The following HYCC1 variants were observed in gnomAD, a reference collection of about 807,000 sequenced individuals.
HYCC1 encodes hyccin.
the HYCC1 span, chr7:22,976,414 C>A: frequency 1.3e-6 from 1 of 797,534 alleles, no homozygotes; most frequent in Non-Finnish European, 2.1e-6. Flanking sequence ...CAGAACAGAC[C>A]TGCACAGTAT....
the HYCC1 span, among the ~76,000 whole-genome samples, chr7:22,974,498 C>T: frequency 6.6e-6 from 1 of 152,054 alleles, no homozygotes; most frequent in East Asian, 1.9e-4. Context: ...AGAGATGAAC[C>T]ACTGGTACCA....
the HYCC1 span, chr7:22,976,128 C>G: frequency 3.3e-6 from 3 of 905,036 alleles, no homozygotes; most frequent in East Asian, 7.2e-5. Context: ...TTACACAAAA[C>G]AAAAATAACT....
At chr7:22,977,300 G>T in the HYCC1 span, 1 of 1,236,460 alleles carries the variant, frequency 8.1e-7, no homozygotes, top group Non-Finnish European at 1.2e-6. Context: ...CAATATCAAA[G>T]CTTAGGGTCA....
chr7:22,946,155 C>T, the HYCC1 span: 7 of 1,611,454 alleles, frequency 4.3e-6, no homozygotes, highest in Non-Finnish European at 5.1e-6. Context: ...CCTGTTAATT[C>T]TGTATTTCCT....
chr7:22,973,750 T>C, the HYCC1 span, among the ~76,000 whole-genome samples: 1 of 152,204 alleles, frequency 6.6e-6, no homozygotes, highest in Non-Finnish European at 1.5e-5. Flanking sequence ...GCATTCTCTG[T>C]TGAAGAATTA....
At chr7:22,943,486 C>T in the HYCC1 span, 3 of 152,050 alleles carry the variant, frequency 2.0e-5, no homozygotes, top group African/African-American at 7.2e-5. Flanking sequence ...GTCCTCAGAC[C>T]ACACAGCTAG....
the HYCC1 span, among the ~76,000 whole-genome samples, chr7:22,949,888 C>T: frequency 6.6e-6 from 1 of 152,040 alleles, no homozygotes; most frequent in Non-Finnish European, 1.5e-5. Flanking sequence ...CTTGTTATCA[C>T]TCAAAAATGG....
the HYCC1 span, among the ~76,000 whole-genome samples, chr7:22,926,398 A>G: frequency 6.6e-6 from 1 of 152,214 alleles, no homozygotes; most frequent in African/African-American, 2.4e-5. Flanking sequence ...AAATTGGATA[A>G]AGAGTCAAGA....
At chr7:22,905,790 T>G in the HYCC1 span, among the ~76,000 whole-genome samples, 1 of 152,206 alleles carries the variant, frequency 6.6e-6, no homozygotes, top group Non-Finnish European at 1.5e-5. Flanking sequence ...TGAAATATAT[T>G]AAGTTACGGA....
chr7:22,971,583 C>G, the HYCC1 span, among the ~76,000 whole-genome samples: 3 of 145,472 alleles, frequency 2.1e-5, no homozygotes, highest in Non-Finnish European at 4.5e-5. Flanking sequence ...CGCTGAGGCA[C>G]AAGAATTGCT....
At chr7:23,009,531 A>T in the HYCC1 span, among the ~76,000 whole-genome samples, 4 of 152,160 alleles carry the variant, frequency 2.6e-5, no homozygotes, top group Non-Finnish European at 4.4e-5. Flanking sequence ...ATATTTGGAT[A>T]AGCTATTCTG....
chr7:22,907,387 A>G, the HYCC1 span, among the ~76,000 whole-genome samples: 1 of 152,192 alleles, frequency 6.6e-6, no homozygotes, highest in Non-Finnish European at 1.5e-5. Context: ...TAGCCTGTCC[A>G]GGCAACCTCA....
the HYCC1 span, among the ~76,000 whole-genome samples, chr7:22,898,223 A>AT: frequency 2.6e-3 from 385 of 148,934 alleles, 4 homozygotes; most frequent in African/African-American, 9.1e-3. Context: ...TTATTTATTT[A>AT]TTTTTTTTGA....
the HYCC1 span, among the ~76,000 whole-genome samples, chr7:22,986,533 T>C: frequency 6.6e-6 from 1 of 152,220 alleles, no homozygotes; most frequent in Non-Finnish European, 1.5e-5. Flanking sequence ...TAATGGAAAA[T>C]TATGTTGGTA....
At chr7:22,969,507 T>C in the HYCC1 span, among the ~76,000 whole-genome samples, 52 of 135,478 alleles carry the variant, frequency 3.8e-4, 1 homozygote, top group South Asian at 0.012. Context: ...GGTACAAAAA[T>C]TTGGGTGTTT....
chr7:22,897,427 T>C, the HYCC1 span, among the ~76,000 whole-genome samples: 2 of 152,164 alleles, frequency 1.3e-5, no homozygotes, highest in Non-Finnish European at 2.9e-5. Flanking sequence ...AAGTATTGCT[T>C]ACTCCATGGA....
the HYCC1 span, chr7:22,946,219 T>A: frequency 1.4e-6 from 2 of 1,396,294 alleles, no homozygotes; most frequent in South Asian, 1.2e-5. Context: ...GCAATCTTTT[T>A]AAATGATTAA....
At chr7:22,964,351 G>T in the HYCC1 span, 2 of 922,694 alleles carry the variant, frequency 2.2e-6, no homozygotes, top group Non-Finnish European at 3.6e-6. Flanking sequence ...AGTGACAATA[G>T]ATGAACAGAC....
chr7:22,980,165 T>C, the HYCC1 span, among the ~76,000 whole-genome samples: 1 of 152,054 alleles, frequency 6.6e-6, no homozygotes. Context: ...TGATATACAG[T>C]GTGGGAAATA....
Sources: allele counts gnomAD v4.1 joint callset (sites outside exome capture counted in the v4.1 genomes callset), GRCh38; gene constraint gnomAD v4.1.1; transcripts MANE v1.5; gene names NCBI Gene and HGNC (gene_info 2026-07-23, HGNC 2026-07-21).